The following SOX5 variants were observed in gnomAD, a reference collection of about 807,000 sequenced individuals.
SOX5 encodes the protein transcription factor SOX-5.
A neutral mutation model predicts 92.0 loss-of-function variants in SOX5; 9 were observed. The observed-to-expected ratio is 0.10, with a 90% confidence interval of 0.06 to 0.17. The LOEUF (loss-of-function observed/expected upper bound fraction) is 0.17. Among genes scored for constraint, SOX5 ranks in the 10% least tolerant of loss-of-function variants. The probability of loss-of-function intolerance (pLI) is 1.00; values close to 1 mark genes in which losing one functional copy is unlikely to be tolerated. For synonymous variants in SOX5, 344 were observed against 336.3 expected, an observed-to-expected ratio of 1.02 and a Z score of -0.25; for missense variants, 642 against 944.5, an observed-to-expected ratio of 0.68 and a Z score of 4.20.
intron 2 of SOX5, among the ~76,000 whole-genome samples, chr12:24,346,783 G>C (rs886152504): frequency 6.6e-6 from 1 of 151,868 alleles, no homozygotes; most frequent in Admixed American, 6.6e-5. Context: ...GTAAAAATTT[G>C]TGGTGTACAC....
chr12:24,333,692 T>A (rs1951579720), intron 2 of SOX5, among the ~76,000 whole-genome samples: 1 of 151,956 alleles, frequency 6.6e-6, no homozygotes, highest in Non-Finnish European at 1.5e-5. Flanking sequence ...AACACATGAA[T>A]CCCTAAAAAT....
At chr12:24,497,602 G>T (rs1001338803) in intron 1 of SOX5, among the ~76,000 whole-genome samples, 5 of 152,328 alleles carry the variant, frequency 3.3e-5, no homozygotes, top group African/African-American at 1.2e-4. Flanking sequence ...CTGTTGGTGG[G>T]AGTGTAAATC....
chr12:24,056,738 G>C (rs529879731), intron 4 of SOX5, among the ~76,000 whole-genome samples: 13 of 151,804 alleles, frequency 8.6e-5, no homozygotes, highest in African/African-American at 3.1e-4. Flanking sequence ...CACTTTGGGA[G>C]GCCGAGGCGG....
intron 8 of SOX5, among the ~76,000 whole-genome samples, chr12:23,610,250 C>T (rs547813293): frequency 4.8e-4 from 73 of 152,154 alleles, no homozygotes; most frequent in African/African-American, 1.5e-3. Context: ...TCATTAATAC[C>T]TAGAGGTGGT....
At chr12:23,752,562 G>C (rs757089025) in intron 4 of SOX5, among the ~76,000 whole-genome samples, 5 of 151,734 alleles carry the variant, frequency 3.3e-5, no homozygotes, top group Non-Finnish European at 7.4e-5. Flanking sequence ...AATGACCTTC[G>C]GTGTAATGGA....
chr12:24,473,215 C>T (rs939554400), intron 1 of SOX5, among the ~76,000 whole-genome samples: 15 of 151,994 alleles, frequency 9.9e-5, no homozygotes, highest in East Asian at 3.9e-4. Context: ...CTGAAACCAA[C>T]GCTGTACTGG....
chr12:23,550,462 A>T (rs1017863568), intron 11 of SOX5, among the ~76,000 whole-genome samples: 1 of 151,970 alleles, frequency 6.6e-6, no homozygotes. Flanking sequence ...TATTATTTTT[A>T]AAATGTCAGT....
At chr12:23,779,350 T>C (rs147827052) in intron 3 of SOX5, among the ~76,000 whole-genome samples, 2 of 150,608 alleles carry the variant, frequency 1.3e-5, no homozygotes, top group African/African-American at 4.9e-5. Context: ...TTCCACTGAA[T>C]AGACTAACTC....
intron 1 of SOX5, among the ~76,000 whole-genome samples, chr12:24,534,529 T>A (rs145468369): frequency 2.0e-5 from 3 of 152,330 alleles, no homozygotes; most frequent in East Asian, 1.9e-4. Flanking sequence ...GCACATTTTT[T>A]AAAAAATCAA....
chr12:24,084,057 T>TA (rs1175403327), intron 4 of SOX5, among the ~76,000 whole-genome samples: 2 of 151,962 alleles, frequency 1.3e-5, no homozygotes, highest in East Asian at 3.9e-4. Flanking sequence ...ACTGAGGAGA[T>TA]AAAAAATCTG....
chr12:24,541,765 C>T (rs893442590), intron 1 of SOX5, among the ~76,000 whole-genome samples: 9 of 152,068 alleles, frequency 5.9e-5, no homozygotes, highest in Admixed American at 5.9e-4. Flanking sequence ...AAACAGTGAA[C>T]ATAAATGTAA....
At position 23,688,510 on chromosome 12, in the gene SOX5, A is replaced by C. The variant is rs1335222246; in HGVS notation, c.811-22946T>G. Among the ~76,000 whole-genome samples the C allele has an allele frequency of 2.0e-5, 3 of 152,064 alleles. No homozygotes were observed. In the East Asian group the frequency reaches 5.8e-4, roughly 29 times the overall value. ...AGCAATAATAAAAATTAATGGCAAA[A>C]TAGGAATGGTTGTAAAGTTATATGA... On this transcript the variant is annotated intron_variant, in intron 6 of 14. Coordinates refer to ENST00000451604, the MANE Select transcript of SOX5 (RefSeq NM_006940.6).
intron 1 of SOX5, among the ~76,000 whole-genome samples, chr12:24,373,262 C>T (rs892755271): frequency 6.6e-5 from 10 of 152,220 alleles, no homozygotes; most frequent in African/African-American, 2.4e-4. Context: ...ATAGTTGCTC[C>T]CTATCTCATT....
chr12:24,059,448 G>C (rs1939239158), intron 4 of SOX5, among the ~76,000 whole-genome samples: 1 of 152,122 alleles, frequency 6.6e-6, no homozygotes, highest in Non-Finnish European at 1.5e-5. Flanking sequence ...CTAGTCCAAG[G>C]TTTGGTTTTT....
At chr12:23,780,012 C>G (rs548548310) in intron 3 of SOX5, among the ~76,000 whole-genome samples, 7 of 142,486 alleles carry the variant, frequency 4.9e-5, no homozygotes, top group African/African-American at 1.8e-4. Flanking sequence ...AGGTTCTATA[C>G]TGACCATTAA....
chr12:23,635,511 C>T (rs775074958), intron 8 of SOX5, among the ~76,000 whole-genome samples: 11 of 151,734 alleles, frequency 7.2e-5, no homozygotes, highest in South Asian at 4.2e-4. Context: ...CACACCACAC[C>T]GGGGCCTGTC....
At position 24,078,887 on chromosome 12, in the gene SOX5, A is replaced by G. The variant is rs574289784; in HGVS notation, c.-2+134456T>C. Among the ~76,000 whole-genome samples the G allele has an allele frequency of 3.3e-5, 5 of 152,174 alleles. No individual in the cohort carries two copies. In the South Asian group the frequency reaches 8.3e-4, roughly 25 times the overall value. On this transcript the variant is annotated intron_variant, in intron 4 of 4. Coordinates refer to the SOX5 transcript ENST00000446891. Reference sequence around the variant, plus strand: ...AAACCTCTCAACTTCCTTAGCAATGAAAGAATGTTTTATTGTCATTATAGA... The same window carrying G: ...AAACCTCTCAACTTCCTTAGCAATGGAAGAATGTTTTATTGTCATTATAGA...
intron 14 of SOX5, among the ~76,000 whole-genome samples, chr12:23,534,943 C>G (rs186524968): frequency 2.3e-3 from 356 of 152,230 alleles, no homozygotes; most frequent in Non-Finnish European, 3.8e-3. Flanking sequence ...CTCCTGACCT[C>G]AGGTGATCCA....
chr12:23,991,073 G>T (rs1006610891), intron 4 of SOX5, among the ~76,000 whole-genome samples: 4 of 151,816 alleles, frequency 2.6e-5, no homozygotes, highest in African/African-American at 4.8e-5. Context: ...GAAGTATAAG[G>T]CTGGGTATGG....
Sources: allele counts gnomAD v4.1 joint callset (sites outside exome capture counted in the v4.1 genomes callset), GRCh38; gene constraint gnomAD v4.1.1; transcripts MANE v1.5; gene names NCBI Gene and HGNC (gene_info 2026-07-23, HGNC 2026-07-21).